FHIT: variants seen among roughly 807,000 people sequenced by gnomAD.
FHIT encodes bis(5'-adenosyl)-triphosphatase.
Under a neutral mutation model 17.9 loss-of-function variants are expected in FHIT, and 19 were observed. The observed-to-expected ratio is 1.06, with a 90% confidence interval of 0.74 to 1.56. FHIT has a LOEUF of 1.56. Among genes scored for constraint, FHIT ranks in the 40% most tolerant of loss-of-function variants. The probability of loss-of-function intolerance (pLI) is 0.00; values close to 1 mark genes in which losing one functional copy is unlikely to be tolerated. For missense variants in FHIT, 248 were observed against 189.2 expected, an observed-to-expected ratio of 1.31 and a Z score of -1.82; for synonymous variants, 81 against 69.7, an observed-to-expected ratio of 1.16 and a Z score of -0.81.
Position 60,015,192 on chromosome 3 carries a change from T to C in FHIT, c.104-1040A>G, listed in dbSNP as rs1700296649. 2.0e-5 allele frequency among the ~76,000 whole-genome samples: 3 copies of C among 152,200 alleles called. No homozygotes were observed. In the South Asian group the frequency reaches 6.2e-4, roughly 32 times the overall value. ...AAAACCATAATTCTGCAATTGCTAG[T>C]CTCACTAGAATATCAACCCCATTCC... On this transcript the variant is annotated intron_variant, in intron 5 of 9. Coordinates refer to ENST00000492590, the MANE Select transcript of FHIT (RefSeq NM_002012.4).
intron 5 of FHIT, among the ~76,000 whole-genome samples, chr3:60,172,282 T>A (rs1484045258): frequency 6.6e-6 from 1 of 152,056 alleles, no homozygotes; most frequent in African/African-American, 2.4e-5. Context: ...TTGTTTGCTT[T>A]GAGATGGACT....
At chr3:60,403,486 G>T (rs1271936394) in intron 5 of FHIT, among the ~76,000 whole-genome samples, 10 of 152,034 alleles carry the variant, frequency 6.6e-5, no homozygotes, top group Admixed American at 6.6e-4. Context: ...CCTCTCTCTA[G>T]CCTCTAATTT....
chr3:59,977,027 A>G (rs1459086864), intron 7 of FHIT, among the ~76,000 whole-genome samples: 2 of 152,100 alleles, frequency 1.3e-5, no homozygotes, highest in African/African-American at 4.8e-5. Context: ...AGTGGGGGAC[A>G]GTGAAAACTG....
At chr3:61,093,728 C>G (rs952743341) in intron 2 of FHIT, among the ~76,000 whole-genome samples, 1 of 152,134 alleles carries the variant, frequency 6.6e-6, no homozygotes, top group Non-Finnish European at 1.5e-5. Context: ...ACATCACCTA[C>G]CTCAAAAAGT....
At chr3:60,849,210 A>C (rs781929282) in intron 3 of FHIT, among the ~76,000 whole-genome samples, 2 of 151,970 alleles carry the variant, frequency 1.3e-5, no homozygotes, top group Non-Finnish European at 2.9e-5. Flanking sequence ...AGGGAAGAGA[A>C]GGGAGAGAGG....
intron 8 of FHIT, among the ~76,000 whole-genome samples, chr3:59,801,505 G>T (rs189216923): frequency 9.2e-4 from 140 of 152,146 alleles, no homozygotes; most frequent in Non-Finnish European, 1.7e-3. Flanking sequence ...TGAATGTTTA[G>T]TTTCCCTATA....
At chr3:60,952,086 A>C (rs2107461367) in intron 3 of FHIT, among the ~76,000 whole-genome samples, 1 of 152,086 alleles carries the variant, frequency 6.6e-6, no homozygotes, top group Non-Finnish European at 1.5e-5. Context: ...GAATTGCTTA[A>C]ACCTGGGAGG....
At chr3:59,978,384 C>G (rs537464905) in intron 7 of FHIT, among the ~76,000 whole-genome samples, 1 of 152,014 alleles carries the variant, frequency 6.6e-6, no homozygotes, top group Admixed American at 6.6e-5. Context: ...GAAAATAAAC[C>G]ATTAGATATC....
rs373033860 is a variant in FHIT at position 60,673,130 on chromosome 3, A to C, written c.-17-136151T>G. Among the ~76,000 whole-genome samples, 427 of 152,236 alleles carry C rather than the reference A, an allele frequency of 2.8e-3. 2 individuals carry two copies. The South Asian group carries it at 0.029, about 10-fold the overall frequency. ...TTACCCCGTAAGAGCTTAACAGAAA[A>C]TAAAGACGGTTTAAAAATATATATA... On this transcript the variant is annotated intron_variant, in intron 4 of 9. Coordinates refer to ENST00000492590, the MANE Select transcript of FHIT (RefSeq NM_002012.4).
chr3:60,260,338 G>A (rs1706225983), intron 5 of FHIT, among the ~76,000 whole-genome samples: 1 of 149,090 alleles, frequency 6.7e-6, no homozygotes, highest in Non-Finnish European at 1.5e-5. Context: ...GGAAACTTCT[G>A]TCTTGACTAA....
intron 5 of FHIT, among the ~76,000 whole-genome samples, chr3:60,204,444 GTT>G (rs56126245): frequency 1.6e-4 from 18 of 114,974 alleles, no homozygotes; most frequent in Admixed American, 5.8e-4. Flanking sequence ...TAATATTCTG[GTT>G]TTTTTTTTTT....
intron 3 of FHIT, among the ~76,000 whole-genome samples, chr3:60,908,444 T>C (rs1211974072): frequency 6.6e-6 from 1 of 152,154 alleles, no homozygotes; most frequent in Admixed American, 6.6e-5. Flanking sequence ...GTAGAAATTA[T>C]ATCATTATAC....
intron 8 of FHIT, among the ~76,000 whole-genome samples, chr3:59,786,233 A>T (rs1699284226): frequency 6.6e-6 from 1 of 152,140 alleles, no homozygotes; most frequent in South Asian, 2.1e-4. Flanking sequence ...CAAAAGAGTT[A>T]ATAATGTGAA....
intron 2 of FHIT, among the ~76,000 whole-genome samples, chr3:61,181,469 T>C (rs2038341744): frequency 6.6e-6 from 1 of 152,108 alleles, no homozygotes; most frequent in African/African-American, 2.4e-5. Context: ...ACAAATATAT[T>C]ATGGAACTGG....
At chr3:59,937,872 T>C (rs185157608) in intron 7 of FHIT, among the ~76,000 whole-genome samples, 71 of 152,308 alleles carry the variant, frequency 4.7e-4, no homozygotes, top group African/African-American at 1.1e-3. Context: ...AATTACAAAG[T>C]ATTAAGCAGA....
chr3:61,112,488 C>T (rs960276380), intron 2 of FHIT, among the ~76,000 whole-genome samples: 3 of 152,118 alleles, frequency 2.0e-5, no homozygotes, highest in Admixed American at 2.0e-4. Context: ...ACCCTGGTCC[C>T]TTTCTGAGTT....
chr3:61,072,589 T>C (rs746137364), intron 2 of FHIT, among the ~76,000 whole-genome samples: 1 of 152,138 alleles, frequency 6.6e-6, no homozygotes, highest in Non-Finnish European at 1.5e-5. Context: ...CAAAGAAAAG[T>C]AACACCTGAA....
intron 5 of FHIT, among the ~76,000 whole-genome samples, chr3:60,531,504 T>A (rs1559517429): frequency 6.6e-6 from 1 of 152,132 alleles, no homozygotes; most frequent in South Asian, 2.1e-4. Context: ...GGTCTCGATC[T>A]CCTGACCTCG....
chr3:61,027,043 A>T (rs2032768879), intron 3 of FHIT, among the ~76,000 whole-genome samples: 1 of 152,048 alleles, frequency 6.6e-6, no homozygotes, highest in Admixed American at 6.5e-5. Flanking sequence ...AATTAAATAA[A>T]AATATTTTAA....
Sources: gnomAD v4.1 joint callset for allele counts (sites outside exome capture counted in the v4.1 genomes callset) on GRCh38, gnomAD v4.1.1 for gene constraint, MANE v1.5 for transcripts, NCBI Gene and HGNC (gene_info 2026-07-23, HGNC 2026-07-21) for gene names.